Variants in ADSS2 observed in about 807,000 individuals in gnomAD.
ADSS2 encodes the protein adenylosuccinate synthetase isozyme 2.
A neutral mutation model predicts 60.0 loss-of-function variants in ADSS2; 30 were observed. The observed-to-expected ratio is 0.50, with a 90% confidence interval of 0.37 to 0.68. ADSS2 has a LOEUF of 0.68. ADSS2 is among the 30% of genes least tolerant of loss of function. The pLI is 0.00. For synonymous variants in ADSS2, 187 were observed against 193.1 expected, an observed-to-expected ratio of 0.97 and a Z score of 0.26; for missense variants, 373 against 554.8, an observed-to-expected ratio of 0.67 and a Z score of 3.29.
At chr1:244,411,973 C>T (rs1024647018) in intron 11 of ADSS2, among the ~76,000 whole-genome samples, 4 of 152,248 alleles carry the variant, frequency 2.6e-5, no homozygotes, top group East Asian at 3.9e-4. Flanking sequence ...ACAGTGGATG[C>T]TATGGTACTC....
intron 3 of ADSS2, among the ~76,000 whole-genome samples, chr1:244,434,895 G>A (rs940686021): frequency 1.3e-5 from 2 of 152,030 alleles, no homozygotes; most frequent in Non-Finnish European, 2.9e-5. Context: ...AGGGCGGGGC[G>A]CGGTGGCTCA....
At chr1:244,434,984 C>T (rs369232537) in intron 3 of ADSS2, among the ~76,000 whole-genome samples, 28 of 151,650 alleles carry the variant, frequency 1.8e-4, no homozygotes, top group African/African-American at 6.5e-4. Flanking sequence ...CTGGCTAACA[C>T]GGTGAAACCC....
chr1:244,436,534 G>A (rs956026859), intron 3 of ADSS2, among the ~76,000 whole-genome samples: 3 of 152,144 alleles, frequency 2.0e-5, no homozygotes, highest in Non-Finnish European at 2.9e-5. Flanking sequence ...TGCAAACTCA[G>A]GAATTTCCTA....
At chr1:244,446,967 T>C (rs998719001) in intron 1 of ADSS2, among the ~76,000 whole-genome samples, 16 of 152,208 alleles carry the variant, frequency 1.1e-4, no homozygotes, top group Non-Finnish European at 2.4e-4. Flanking sequence ...TTTAGAAATC[T>C]CATGGAGCCT....
chr1:244,433,448 A>G (rs1315582057), intron 3 of ADSS2, among the ~76,000 whole-genome samples: 1 of 152,226 alleles, frequency 6.6e-6, no homozygotes, highest in Non-Finnish European at 1.5e-5. Flanking sequence ...ACTTCTAGGA[A>G]TCCAAAAGGC....
chr1:244,441,517 G>GC (rs1228745163), intron 1 of ADSS2, among the ~76,000 whole-genome samples: 1 of 150,988 alleles, frequency 6.6e-6, no homozygotes, highest in South Asian at 2.1e-4. Context: ...GTCAAACCAG[G>GC]TTTTTTTTTA....
At position 244,451,867 on chromosome 1, in the gene ADSS2, T is replaced by C. The variant is rs1397444727; in HGVS notation, c.-50A>G. Reference sequence around the variant, plus strand: ...CGAAGGAGAGGCGGCCGGCGAGGAGTGAGCGAACTGAACTGCTCTGCGGCC... The same window carrying C: ...CGAAGGAGAGGCGGCCGGCGAGGAGCGAGCGAACTGAACTGCTCTGCGGCC... On this transcript the variant is annotated 5_prime_UTR_variant, in exon 1 of 13. Coordinates refer to ENST00000366535, the MANE Select transcript of ADSS2 (RefSeq NM_001126.5). This position sits in a 1 kb window ranked among gnomAD's most constrained non-coding sequence, Gnocchi z 6.6. The C allele has an allele frequency of 3.4e-6, 5 of 1,489,442 alleles. No individual in the cohort carries two copies. The highest frequency in any genetic ancestry group is 2.5e-5 in the East Asian group (1 of 40,332). 92.3% of individuals were successfully genotyped at this position (1,489,442 alleles called of 1,614,324 possible). A position where few individuals can be genotyped will look rare whatever the true frequency, so the allele number is the denominator to read the frequency against.
At chr1:244,409,711 T>C in intron 12 of ADSS2, 73 bp from the exon 13 acceptor site, 1 of 1,196,470 alleles carries the variant, frequency 8.4e-7, no homozygotes. Context: ...TTAAAACAGG[T>C]AGTCCCCTAC....
rs184983361 is a variant in ADSS2, at chr1:244,439,450, C to G, written c.184-1682G>C. Among the ~76,000 whole-genome samples the G allele has an allele frequency of 4.4e-3, 667 of 152,222 alleles. 5 individuals are homozygous for G. The highest frequency in any genetic ancestry group is 7.4e-3 in the Non-Finnish European group (504 of 68,018). On this transcript the variant is annotated intron_variant, in intron 1 of 12. Coordinates refer to ENST00000366535, the MANE Select transcript of ADSS2 (RefSeq NM_001126.5). ...GCCCAGGGTATGTCTAGAAATTTGCCCTGGAACTAGGGCCTGTGACGGGGA... is the reference window on the plus strand; with the variant it reads ...GCCCAGGGTATGTCTAGAAATTTGCGCTGGAACTAGGGCCTGTGACGGGGA...
intron 1 of ADSS2, among the ~76,000 whole-genome samples, chr1:244,450,759 GAAGA>G (rs373536634): frequency 2.0e-4 from 30 of 151,974 alleles, no homozygotes; most frequent in African/African-American, 7.3e-4. Flanking sequence ...CGACAAATAG[GAAGA>G]AAGGTTACAC....
intron 4 of ADSS2, among the ~76,000 whole-genome samples, chr1:244,431,711 C>A (rs896502531): frequency 6.6e-6 from 1 of 152,084 alleles, no homozygotes; most frequent in Non-Finnish European, 1.5e-5. Flanking sequence ...ATGAAGAGGC[C>A]AGTTTCATAT....
chr1:244,430,331 TGAA>T (rs1398386120), intron 4 of ADSS2, among the ~76,000 whole-genome samples: 1 of 152,164 alleles, frequency 6.6e-6, no homozygotes, highest in Non-Finnish European at 1.5e-5. Context: ...GCAATTGCAA[TGAA>T]GAAGGAAGAT....
Position 244,424,320 on chromosome 1 carries a change from C to CT in ADSS2, c.473dup (p.Asn158LysfsTer30). 6.2e-7 allele frequency: 1 copy of CT among 1,612,950 alleles called. No individual in the cohort carries two copies. The highest frequency in any genetic ancestry group is 1.3e-5 in the African/African-American group (1 of 74,998). The stretch of plus-strand genomic sequence containing the variant: ...CCAAAAAAACAAAAACCCACACATA[C>CT]TTTTTTCCTGCTTGTTCTTGTCTCT... On this transcript the variant is annotated frameshift_variant and splice_region_variant. Coordinates refer to ENST00000366535, the MANE Select transcript of ADSS2 (RefSeq NM_001126.5). LOFTEE classifies it high-confidence loss of function.
At chr1:244,415,012 A>C (rs1161470533) in intron 11 of ADSS2, among the ~76,000 whole-genome samples, 1 of 152,250 alleles carries the variant, frequency 6.6e-6, no homozygotes, top group Non-Finnish European at 1.5e-5. Flanking sequence ...ACAAATCTCC[A>C]TCTCAAGAGT....
chr1:244,434,010 G>C (rs1446892625), intron 3 of ADSS2, among the ~76,000 whole-genome samples: 1 of 151,934 alleles, frequency 6.6e-6, no homozygotes, highest in East Asian at 1.9e-4. Flanking sequence ...AGGAGGGGCT[G>C]TGAGCTTTCA....
At chr1:244,436,984 A>C (rs1665118162) in intron 2 of ADSS2, 91 bp from the exon 3 acceptor site, 6 of 1,061,936 alleles carry the variant, frequency 5.7e-6, no homozygotes, top group Non-Finnish European at 8.4e-6. Flanking sequence ...CGGTGTTACC[A>C]CAGAAATGAT....
At chr1:244,411,177 C>T (rs1466878293) in intron 12 of ADSS2, 110 bp downstream of exon 12, 26 of 1,128,978 alleles carry the variant, frequency 2.3e-5, no homozygotes, top group Non-Finnish European at 3.0e-5. Context: ...GCCGAGATCC[C>T]GCCACTGCAC....
intron 1 of ADSS2, among the ~76,000 whole-genome samples, chr1:244,442,467 A>C (rs1665272052): frequency 6.6e-6 from 1 of 152,194 alleles, no homozygotes; most frequent in South Asian, 2.1e-4. Flanking sequence ...CCAGTATTAC[A>C]TTGATTATTA....
rs1223909757 is a variant in ADSS2 at position 244,409,396 on chromosome 1, A to G, written c.*190T>C. 6.5e-6 allele frequency: 3 copies of G among 460,840 alleles called. No individual in the cohort carries two copies. In the Admixed American group the frequency reaches 1.3e-4, roughly 19 times the overall value. The allele number at this position is 460,840 out of a possible 1,614,324, so 28.5% of individuals were successfully genotyped here. ...AATGATTTGGCAATTCCAGCTAAAG[A>G]AAGCTGACACTGGAATATGCCAAAG... On this transcript the variant is annotated 3_prime_UTR_variant, in exon 13 of 13. Coordinates refer to ENST00000366535, the MANE Select transcript of ADSS2 (RefSeq NM_001126.5).
Sources: gnomAD v4.1 joint callset for allele counts (sites outside exome capture counted in the v4.1 genomes callset) on GRCh38, gnomAD v4.1.1 for gene constraint, Gnocchi (gnomAD v3.1) non-coding constraint, MANE v1.5 for transcripts, NCBI Gene and HGNC (gene_info 2026-07-23, HGNC 2026-07-21) for gene names.